TAX1BP1: variants seen among roughly 807,000 people sequenced by gnomAD.
TAX1BP1 encodes the protein tax1-binding protein 1.
A neutral mutation model predicts 97.7 loss-of-function variants in TAX1BP1; 62 were observed. The observed-to-expected ratio is 0.63, with a 90% CI of 0.52 to 0.78. The LOEUF (loss-of-function observed/expected upper bound fraction) is 0.78. Among genes scored for constraint, TAX1BP1 ranks in the 30% least tolerant of loss-of-function variants. The probability of loss-of-function intolerance (pLI) is 0.00; values close to 1 mark genes in which losing one functional copy is unlikely to be tolerated. For synonymous variants in TAX1BP1, 340 were observed against 304.2 expected (o/e 1.12, Z -1.23); for missense variants, 867 against 916.1 (o/e 0.95, Z 0.69).
Position 27,828,878 on chromosome 7 carries a change from A to G in TAX1BP1, c.*49A>G. The G allele has an allele frequency of 6.7e-7, 1 of 1,485,342 alleles. No homozygotes were observed. The highest frequency in any genetic ancestry group is 1.4e-5 in the African/African-American group (1 of 70,282). The allele number at this position is 1,485,342 out of a possible 1,614,324, so 92.0% of individuals were successfully genotyped here. ...TAGTTTAGCAGTAAAAAAAAAAAAA[A>G]AAACCACACCTAAAATAGACCACTG... On this transcript the variant is annotated 3_prime_UTR_variant, in exon 17 of 17. Transcript: ENST00000396319.
intron 13 of TAX1BP1, among the ~76,000 whole-genome samples, chr7:27,801,130 G>A (rs181366401): frequency 7.5e-4 from 99 of 132,190 alleles, no homozygotes; most frequent in African/African-American, 8.6e-4. Context: ...GAATGTTAGA[G>A]AAAAAAAAAA....
At chr7:27,794,219 A>G in intron 10 of TAX1BP1, 104 bp from the exon 11 acceptor site, 1 of 1,043,970 alleles carries the variant, frequency 9.6e-7, no homozygotes, top group Non-Finnish European at 1.3e-6. Flanking sequence ...ACTTCTTAGG[A>G]TTTCCTAAAG....
chr7:27,804,953 T>C (rs892601740), intron 13 of TAX1BP1, among the ~76,000 whole-genome samples: 2 of 152,222 alleles, frequency 1.3e-5, no homozygotes, highest in African/African-American at 4.8e-5. Context: ...TAGTTGCTAA[T>C]ATTTTACAAA....
chr7:27,810,832 G>A (rs768698565), intron 13 of TAX1BP1, among the ~76,000 whole-genome samples: 2 of 152,110 alleles, frequency 1.3e-5, no homozygotes, highest in East Asian at 3.9e-4. Context: ...CCTGAAATAC[G>A]TTATTATTTC....
At chr7:27,770,404 A>G (rs1237061188) in intron 5 of TAX1BP1, among the ~76,000 whole-genome samples, 1 of 152,106 alleles carries the variant, frequency 6.6e-6, no homozygotes, top group Non-Finnish European at 1.5e-5. Context: ...TAAGAAGCCA[A>G]AAACAGTGAA....
chr7:27,799,813 A>G (rs903270973), intron 12 of TAX1BP1, 152 bp from the exon 13 acceptor site: 10 of 452,988 alleles, frequency 2.2e-5, no homozygotes, highest in Middle Eastern at 1.2e-3. Context: ...TGATTTATCC[A>G]ATTGTCTATT....
chr7:27,766,236 C>T (rs1788627934), intron 4 of TAX1BP1, among the ~76,000 whole-genome samples: 1 of 151,836 alleles, frequency 6.6e-6, no homozygotes, highest in East Asian at 1.9e-4. Flanking sequence ...CTGGCTAACA[C>T]GGTGTAACTC....
chr7:27,781,659 C>G (rs1024352930), intron 5 of TAX1BP1, among the ~76,000 whole-genome samples: 9 of 152,056 alleles, frequency 5.9e-5, no homozygotes, highest in Non-Finnish European at 1.0e-4. Flanking sequence ...CATTGCTGTA[C>G]ACTACTGTAG....
At chr7:27,750,336 A>G (rs978437483) in intron 2 of TAX1BP1, among the ~76,000 whole-genome samples, 1 of 152,248 alleles carries the variant, frequency 6.6e-6, no homozygotes, top group Non-Finnish European at 1.5e-5. Context: ...GGAAATGCTT[A>G]TTGGAACATT....
chr7:27,742,207 T>C (rs747388925), intron 1 of TAX1BP1, among the ~76,000 whole-genome samples: 1 of 152,152 alleles, frequency 6.6e-6, no homozygotes, highest in Non-Finnish European at 1.5e-5. Context: ...CCTTTACGGA[T>C]GTCGGGCTGG....
intron 2 of TAX1BP1, among the ~76,000 whole-genome samples, chr7:27,749,825 T>C (rs1254110623): frequency 6.6e-6 from 1 of 152,168 alleles, no homozygotes; most frequent in African/African-American, 2.4e-5. Flanking sequence ...CAGGGTCTTA[T>C]TCTATCACTC....
At chr7:27,788,335 G>A (rs1374430467) in intron 8 of TAX1BP1, among the ~76,000 whole-genome samples, 1 of 151,968 alleles carries the variant, frequency 6.6e-6, no homozygotes, top group Non-Finnish European at 1.5e-5. Flanking sequence ...ATGCCTACCT[G>A]TCTCTATATA....
chr7:27,746,805 T>G (rs780385618), intron 1 of TAX1BP1, among the ~76,000 whole-genome samples: 1 of 152,158 alleles, frequency 6.6e-6, no homozygotes, highest in Non-Finnish European at 1.5e-5. Flanking sequence ...GGTTCATGAT[T>G]GACAGTCTCT....
At chr7:27,776,143 G>T (rs1432689906) in intron 5 of TAX1BP1, among the ~76,000 whole-genome samples, 1 of 152,144 alleles carries the variant, frequency 6.6e-6, no homozygotes, top group Non-Finnish European at 1.5e-5. Flanking sequence ...TTAGGAAATT[G>T]AATTAACCAT....
intron 5 of TAX1BP1, 64 bp from the exon 6 acceptor site, chr7:27,785,099 T>C (rs770614989): frequency 4.0e-6 from 6 of 1,493,776 alleles, no homozygotes; most frequent in Non-Finnish European, 4.5e-6. Flanking sequence ...CTTAAAGATA[T>C]GCAAATTTGC....
chr7:27,809,910 C>CT (rs112475856), intron 13 of TAX1BP1, among the ~76,000 whole-genome samples: 7,146 of 143,996 alleles, frequency 0.05, 392 homozygotes, highest in African/African-American at 0.15. Flanking sequence ...TCTTTTGTGC[C>CT]TTTTTTTTTT....
Position 27,828,879 on chromosome 7 carries a change from A to T in TAX1BP1, c.*50A>T. On this transcript the variant is annotated 3_prime_UTR_variant, in exon 17 of 17. Coordinates refer to ENST00000396319, the MANE Select transcript of TAX1BP1 (RefSeq NM_006024.7). ...AGTTTAGCAGTAAAAAAAAAAAAAAAAACCACACCTAAAATAGACCACTGA... is the reference window on the plus strand; with the variant it reads ...AGTTTAGCAGTAAAAAAAAAAAAAATAACCACACCTAAAATAGACCACTGA... 3 of 1,466,810 alleles carry T rather than the reference A, an allele frequency of 2.0e-6. No homozygotes were observed. Among genetic ancestry groups the T allele is most frequent in the Non-Finnish European group, 2.8e-6 (3 of 1,080,328 alleles). 90.9% of individuals were successfully genotyped at this position (1,466,810 alleles called of 1,614,324 possible). A position where few individuals can be genotyped will look rare whatever the true frequency, so the allele number is the denominator to read the frequency against.
At chr7:27,756,071 G>A (rs1788199800) in intron 2 of TAX1BP1, among the ~76,000 whole-genome samples, 1 of 152,158 alleles carries the variant, frequency 6.6e-6, no homozygotes, top group Non-Finnish European at 1.5e-5. Flanking sequence ...ATAAAACAGA[G>A]AATCAACCTT....
chr7:27,765,257 G>A (rs182429164), intron 3 of TAX1BP1, among the ~76,000 whole-genome samples: 2 of 151,486 alleles, frequency 1.3e-5, no homozygotes, highest in East Asian at 2.0e-4. Context: ...GGGCTCAAGC[G>A]AATCTGCCCA....
Sources: gnomAD v4.1 joint callset for allele counts (sites outside exome capture counted in the v4.1 genomes callset) on GRCh38, gnomAD v4.1.1 for gene constraint, MANE v1.5 for transcripts, NCBI Gene and HGNC (gene_info 2026-07-23, HGNC 2026-07-21) for gene names.